The following INSL6 variants were observed in gnomAD, a reference collection of about 807,000 sequenced individuals.
INSL6 encodes the protein insulin like 6.
Under a neutral mutation model 9.4 loss-of-function variants are expected in INSL6, and 16 were observed. The ratio of observed to expected loss-of-function variants is 1.70; its 90% CI spans 1.15 to 2.59. INSL6 has a LOEUF of 2.59. Among genes scored for constraint, INSL6 ranks in the 30% most tolerant of loss-of-function variants. INSL6 has a pLI of 0.00. For missense variants in INSL6, 391 were observed against 257.3 expected (o/e 1.52, Z -3.56); for synonymous variants, 154 against 96.9 (o/e 1.59, Z -3.46).
At chr9:5,006,426 G>A in the INSL6 span, among the ~76,000 whole-genome samples, 1 of 152,100 alleles carries the variant, frequency 6.6e-6, no homozygotes, top group East Asian at 1.9e-4. Flanking sequence ...TACAATCATG[G>A]TATATTCAAT....
At chr9:5,045,432 C>T in the INSL6 span, among the ~76,000 whole-genome samples, 1 of 152,066 alleles carries the variant, frequency 6.6e-6, no homozygotes, top group Non-Finnish European at 1.5e-5. Flanking sequence ...ATAAAAATGA[C>T]CATTTTAACC....
At chr9:5,024,997 G>T in the INSL6 span, among the ~76,000 whole-genome samples, 2 of 152,150 alleles carry the variant, frequency 1.3e-5, no homozygotes, top group Non-Finnish European at 2.9e-5. Flanking sequence ...GTAGTGGGTG[G>T]TTAAGGGAAA....
chr9:5,123,239 C>A (rs911362388), downstream of INSL6: 21 of 601,812 alleles, frequency 3.5e-5, no homozygotes, highest in Admixed American at 5.8e-5. Flanking sequence ...GAAGTCAGAG[C>A]TTTTAGGGTA....
chr9:5,022,693 AT>A, the INSL6 span, among the ~76,000 whole-genome samples: 1 of 152,108 alleles, frequency 6.6e-6, no homozygotes, highest in African/African-American at 2.4e-5. Context: ...TCTTGAAATC[AT>A]TTTTACTCTT....
At chr9:5,084,774 C>T in the INSL6 span, among the ~76,000 whole-genome samples, 1 of 152,026 alleles carries the variant, frequency 6.6e-6, no homozygotes, top group Non-Finnish European at 1.5e-5. Context: ...ATCAAGACAC[C>T]TCAATTAGAA....
the INSL6 span, among the ~76,000 whole-genome samples, chr9:5,058,079 A>AT: frequency 6.6e-6 from 1 of 152,166 alleles, no homozygotes; most frequent in South Asian, 2.1e-4. Context: ...ACATTTGTTC[A>AT]TTCATCCATC....
At chr9:4,995,380 T>A in the INSL6 span, among the ~76,000 whole-genome samples, 1 of 152,252 alleles carries the variant, frequency 6.6e-6, no homozygotes, top group Admixed American at 6.5e-5. Flanking sequence ...CTTCTAACCC[T>A]GAAATTATAT....
the INSL6 span, among the ~76,000 whole-genome samples, chr9:5,032,910 A>G: frequency 3.3e-5 from 5 of 152,244 alleles, no homozygotes; most frequent in African/African-American, 4.8e-5. Flanking sequence ...GACTTTGACA[A>G]GTTGAGAGAA....
chr9:5,024,898 G>C, the INSL6 span, among the ~76,000 whole-genome samples: 1 of 152,190 alleles, frequency 6.6e-6, no homozygotes, highest in Admixed American at 6.5e-5. Flanking sequence ...CCAGGGACCA[G>C]AGTTTCACAC....
the INSL6 span, chr9:5,085,237 G>C: frequency 1.5e-5 from 10 of 671,854 alleles, no homozygotes; most frequent in Non-Finnish European, 2.6e-5. Flanking sequence ...AAATAGGACA[G>C]GACCAGTGGC....
the INSL6 span, chr9:5,021,946 A>G: frequency 3.4e-6 from 5 of 1,475,208 alleles, no homozygotes; most frequent in East Asian, 6.8e-5. Flanking sequence ...TTGTAACTTT[A>G]TTGTTTTCTC....
At chr9:5,026,177 T>G in the INSL6 span, among the ~76,000 whole-genome samples, 3 of 152,244 alleles carry the variant, frequency 2.0e-5, no homozygotes. Context: ...TTTGCTCTTA[T>G]TTTCTAATAT....
At chr9:5,014,116 G>A in the INSL6 span, among the ~76,000 whole-genome samples, 2 of 148,156 alleles carry the variant, frequency 1.3e-5, no homozygotes, top group Non-Finnish European at 3.0e-5. Flanking sequence ...GTTTTTGAGT[G>A]TATGTGTACA....
the INSL6 span, among the ~76,000 whole-genome samples, chr9:5,084,048 TG>T: frequency 2.2e-4 from 34 of 152,282 alleles, no homozygotes; most frequent in African/African-American, 8.2e-4. Flanking sequence ...TTTGAGTTAA[TG>T]TTCTTTTGCT....
the INSL6 span, among the ~76,000 whole-genome samples, chr9:5,010,511 G>A: frequency 6.6e-6 from 1 of 152,034 alleles, no homozygotes. Flanking sequence ...AGTACAGACA[G>A]GGTTTCACCA....
chr9:5,142,568 G>C (rs1445868823), intron 2 of INSL6, among the ~76,000 whole-genome samples: 1 of 152,206 alleles, frequency 6.6e-6, no homozygotes, highest in African/African-American at 2.4e-5. Flanking sequence ...CTGAGGCTTT[G>C]CTGAAGCTGT....
the INSL6 span, among the ~76,000 whole-genome samples, chr9:5,062,803 C>T: frequency 2.0e-4 from 30 of 152,054 alleles, no homozygotes; most frequent in Non-Finnish European, 3.8e-4. Flanking sequence ...TATTTCATTT[C>T]CTTAATTAGA....
At chr9:5,067,001 C>G in the INSL6 span, among the ~76,000 whole-genome samples, 1 of 151,938 alleles carries the variant, frequency 6.6e-6, no homozygotes, top group African/African-American at 2.4e-5. Flanking sequence ...TTTATAATGT[C>G]TATCTTTTTA....
chr9:5,089,826 C>A, the INSL6 span: 12 of 1,588,560 alleles, frequency 7.6e-6, no homozygotes, highest in Non-Finnish European at 9.4e-6. Flanking sequence ...TACAGCATGA[C>A]AACATTGTAA....
Sources: allele counts gnomAD v4.1 joint callset (sites outside exome capture counted in the v4.1 genomes callset), GRCh38; gene constraint gnomAD v4.1.1; transcripts MANE v1.5; gene names NCBI Gene and HGNC (gene_info 2026-07-23, HGNC 2026-07-21).